GLCE: variants seen among roughly 807,000 people sequenced by gnomAD.
GLCE encodes the protein D-glucuronyl C5-epimerase.
GLCE carries 19 observed loss-of-function variants against 47.9 expected under a neutral mutation model. That is an observed-to-expected ratio of 0.40 (90% confidence interval 0.28 to 0.58). GLCE has a LOEUF of 0.58. GLCE is among the 20% of genes least tolerant of loss of function. The pLI is 0.48. For missense variants in GLCE, 556 were observed against 743.3 expected, an observed-to-expected ratio of 0.75 and a Z score of 2.93; for synonymous variants, 245 against 263.4, an observed-to-expected ratio of 0.93 and a Z score of 0.68.
chr15:69,248,748 G>T (rs566903082), intron 2 of GLCE, among the ~76,000 whole-genome samples: 63 of 151,948 alleles, frequency 4.1e-4, no homozygotes, highest in African/African-American at 1.4e-3. Flanking sequence ...CAACAGGTGC[G>T]CACCACCACG....
rs973572439 is a variant in GLCE at position 69,270,319 on chromosome 15, T to A, written c.*1075T>A. ...TAGTAAGTCTGTGCATCATTGGGTG[T>A]TTTTTTTTAATTTAATTTTAAATTA... On this transcript the variant is annotated 3_prime_UTR_variant, in exon 5 of 5. Transcript: ENST00000261858. 1.1e-4 allele frequency: 17 copies of A among 151,152 alleles called. No individual in the cohort carries two copies. Among genetic ancestry groups the A allele is most frequent in the Non-Finnish European group, 1.9e-4 (13 of 67,762 alleles). The allele number at this position is 151,152 out of a possible 1,614,324, so 9.4% of individuals were successfully genotyped here.
At chr15:69,192,429 A>G (rs575026918) in intron 1 of GLCE, among the ~76,000 whole-genome samples, 1 of 151,522 alleles carries the variant, frequency 6.6e-6, no homozygotes, top group South Asian at 2.1e-4. Flanking sequence ...TTGTCTCCTC[A>G]TTGTGTTTGG....
At chr15:69,177,037 T>G (rs115499812) in intron 1 of GLCE, among the ~76,000 whole-genome samples, 1,753 of 152,142 alleles carry the variant, frequency 0.012, 26 homozygotes, top group African/African-American at 0.038. Context: ...TTTTTTTTTT[T>G]TTTTGAGACA....
At chr15:69,260,328 C>T (rs371110636) in intron 3 of GLCE, among the ~76,000 whole-genome samples, 12 of 142,406 alleles carry the variant, frequency 8.4e-5, no homozygotes, top group Middle Eastern at 4.1e-3. Context: ...GGCGCCATCT[C>T]GGCTCACTGC....
chr15:69,207,015 T>C (rs1181006224), intron 1 of GLCE, among the ~76,000 whole-genome samples: 1 of 152,096 alleles, frequency 6.6e-6, no homozygotes, highest in Non-Finnish European at 1.5e-5. Context: ...ACAGGGTTCA[T>C]TCTAGGCTTC....
intron 2 of GLCE, among the ~76,000 whole-genome samples, chr15:69,231,384 C>T (rs190737922): frequency 5.9e-5 from 9 of 151,642 alleles, no homozygotes; most frequent in Non-Finnish European, 7.4e-5. Context: ...CCCGGGTTCA[C>T]GCCATTCTCC....
chr15:69,200,496 T>G, intron 1 of GLCE, among the ~76,000 whole-genome samples: 1 of 152,194 alleles, frequency 6.6e-6, no homozygotes, highest in Non-Finnish European at 1.5e-5. Context: ...TAGAAAATAC[T>G]AATTCATGAT....
chr15:69,246,946 G>A (rs1158131928), intron 2 of GLCE, among the ~76,000 whole-genome samples: 2 of 152,074 alleles, frequency 1.3e-5, no homozygotes, highest in East Asian at 1.9e-4. Context: ...AAACCATGTC[G>A]TAAACAGATG....
intron 2 of GLCE, among the ~76,000 whole-genome samples, chr15:69,246,520 A>T (rs138006807): frequency 2.0e-3 from 305 of 152,240 alleles, no homozygotes; most frequent in African/African-American, 6.9e-3. Context: ...GTTTGAGACC[A>T]GCCTGGCCAA....
chr15:69,164,167 A>G (rs891129439), intron 1 of GLCE, among the ~76,000 whole-genome samples: 1 of 152,024 alleles, frequency 6.6e-6, no homozygotes, highest in Non-Finnish European at 1.5e-5. Context: ...TTTGTCAAAC[A>G]TATACACATC....
At chr15:69,183,647 A>G (rs1198867918) in intron 1 of GLCE, among the ~76,000 whole-genome samples, 4 of 152,242 alleles carry the variant, frequency 2.6e-5, no homozygotes, top group Non-Finnish European at 5.9e-5. Context: ...AGTCTGCTCC[A>G]TGTCCCCCTT....
rs1418930457 is a variant in GLCE, at chr15:69,268,461, C to T, written c.1071C>T (p.Asp357=). 2 of 1,614,102 alleles carry T rather than the reference C, an allele frequency of 1.2e-6. No individual in the cohort carries two copies. The highest frequency in any genetic ancestry group is 3.3e-5 in the Admixed American group (2 of 60,012). The change falls in exon 5 of 5, where the codon GAC becomes GAT. Residue 357 remains aspartate, a synonymous_variant. Transcript: ENST00000261858. ...WSTVTRDLVT[D]LRKGVGLSNT... is the part of the protein sequence containing the mutation. The stretch of plus-strand genomic sequence containing the variant: ...CAGTTACCAGGGACCTGGTCACTGA[C>T]CTCAGGAAAGGAGTGGGTCTTTCAA...
intron 1 of GLCE, among the ~76,000 whole-genome samples, chr15:69,206,607 G>C (rs1216826641): frequency 6.6e-6 from 1 of 151,834 alleles, no homozygotes; most frequent in Non-Finnish European, 1.5e-5. Flanking sequence ...TGCTAAAATT[G>C]TTCCAGTGTT....
chr15:69,165,156 T>C (rs1020004550), intron 1 of GLCE, among the ~76,000 whole-genome samples: 1 of 152,200 alleles, frequency 6.6e-6, no homozygotes, highest in Non-Finnish European at 1.5e-5. Flanking sequence ...CCATAGTGAT[T>C]TACTGCACAG....
At chr15:69,223,742 G>A (rs2052408189) in intron 2 of GLCE, among the ~76,000 whole-genome samples, 1 of 151,832 alleles carries the variant, frequency 6.6e-6, no homozygotes, top group Non-Finnish European at 1.5e-5. Flanking sequence ...AGATCTCTTA[G>A]ATTCTCTTCA....
At chr15:69,225,730 C>A (rs984684365) in intron 2 of GLCE, among the ~76,000 whole-genome samples, 1 of 152,132 alleles carries the variant, frequency 6.6e-6, no homozygotes, top group Non-Finnish European at 1.5e-5. Flanking sequence ...TCTCTCTGTG[C>A]CTGGCATCGA....
intron 2 of GLCE, among the ~76,000 whole-genome samples, chr15:69,252,028 G>A (rs1278635948): frequency 6.6e-6 from 1 of 152,070 alleles, no homozygotes; most frequent in Non-Finnish European, 1.5e-5. Context: ...GTTTTCTGGT[G>A]TGGCAAGGTG....
At chr15:69,170,551 T>C (rs1264014339) in intron 1 of GLCE, among the ~76,000 whole-genome samples, 1 of 152,198 alleles carries the variant, frequency 6.6e-6, no homozygotes, top group African/African-American at 2.4e-5. Context: ...TAAGTGTATG[T>C]ATATATATTT....
chr15:69,178,388 T>G (rs2140337489), intron 1 of GLCE, among the ~76,000 whole-genome samples: 1 of 152,178 alleles, frequency 6.6e-6, no homozygotes, highest in African/African-American at 2.4e-5. Flanking sequence ...TCTGCTTGGG[T>G]TTGCATATTC....
Sources: gnomAD v4.1 joint callset for allele counts (sites outside exome capture counted in the v4.1 genomes callset) on GRCh38, gnomAD v4.1.1 for gene constraint, MANE v1.5 for transcripts, NCBI Gene and HGNC (gene_info 2026-07-23, HGNC 2026-07-21) for gene names.